MYO3A: variants seen among roughly 807,000 people sequenced by gnomAD.
MYO3A encodes myosin IIIA, also known as myosin-IIIa.
A neutral mutation model predicts 192.7 loss-of-function variants in MYO3A; 180 were observed. The ratio of observed to expected loss-of-function variants is 0.93; its 90% confidence interval spans 0.83 to 1.06. MYO3A has a LOEUF of 1.06. Ranked by LOEUF, MYO3A falls within the 50% of genes least tolerant of loss-of-function variation. The pLI is 0.00. For missense variants in MYO3A, 1,896 were observed against 1,905.0 expected, an observed-to-expected ratio of 1.00 and a Z score of 0.09; for synonymous variants, 628 against 645.3, an observed-to-expected ratio of 0.97 and a Z score of 0.41.
At chr10:26,095,952 A>T in intron 15 of MYO3A, among the ~76,000 whole-genome samples, 1 of 152,188 alleles carries the variant, frequency 6.6e-6, no homozygotes. Context: ...TCTCCATAAA[A>T]TAGGAAACAC....
At chr10:26,152,989 A>G (rs1461570943) in intron 23 of MYO3A, among the ~76,000 whole-genome samples, 1 of 152,188 alleles carries the variant, frequency 6.6e-6, no homozygotes, top group Non-Finnish European at 1.5e-5. Flanking sequence ...TCTACTTATC[A>G]CCTAGAAGAA....
chr10:26,026,106 G>A (rs900281636), intron 9 of MYO3A, among the ~76,000 whole-genome samples: 2 of 137,734 alleles, frequency 1.5e-5, no homozygotes, highest in African/African-American at 5.0e-5. Flanking sequence ...AATCCTTACT[G>A]GGAGACGACA....
At chr10:26,116,806 G>A (rs1838532650) in intron 17 of MYO3A, among the ~76,000 whole-genome samples, 1 of 152,122 alleles carries the variant, frequency 6.6e-6, no homozygotes, top group Admixed American at 6.5e-5. Context: ...ATGTTTAGCA[G>A]CACCCTTGAT....
At chr10:26,166,783 G>A (rs116039201) in intron 27 of MYO3A, among the ~76,000 whole-genome samples, 2,650 of 152,040 alleles carry the variant, frequency 0.017, 83 homozygotes, top group African/African-American at 0.058. Flanking sequence ...TCATAAACTT[G>A]AAATTTTTCT....
At chr10:26,070,871 T>C (rs183038008) in intron 14 of MYO3A, among the ~76,000 whole-genome samples, 87 of 152,190 alleles carry the variant, frequency 5.7e-4, no homozygotes, top group Middle Eastern at 3.4e-3. Context: ...ATTTGTTTGC[T>C]GAAAACTGAA....
intron 17 of MYO3A, among the ~76,000 whole-genome samples, chr10:26,106,619 T>G (rs938580689): frequency 6.6e-6 from 1 of 152,104 alleles, no homozygotes; most frequent in Admixed American, 6.5e-5. Context: ...GCTATTTTTT[T>G]GGAAAAGAAT....
Position 26,180,607 on chromosome 10 carries a change from A to G in MYO3A, c.4438+3762A>G, listed in dbSNP as rs1316021915. On this transcript the variant is annotated intron_variant, in intron 31 of 34. Transcript: ENST00000642920. ...ATTAGCAGACAACATTAAAAATGCA[A>G]TGATTGATGCTAGGAATAGAATTCA... Among the ~76,000 whole-genome samples the G allele has an allele frequency of 3.3e-5, 5 of 152,142 alleles. No individual in the cohort carries two copies. The East Asian group carries it at 9.6e-4, about 29-fold the overall frequency.
intron 17 of MYO3A, among the ~76,000 whole-genome samples, 189 bp from the exon 18 acceptor site, chr10:26,120,487 T>C (rs1394379920): frequency 2.0e-5 from 3 of 152,234 alleles, no homozygotes; most frequent in Admixed American, 1.3e-4. Flanking sequence ...TAACAGGCAC[T>C]ATGCTAACCT....
chr10:26,124,229 T>C (rs1028264743), intron 18 of MYO3A, among the ~76,000 whole-genome samples: 2 of 151,460 alleles, frequency 1.3e-5, no homozygotes, highest in Non-Finnish European at 2.9e-5. Context: ...TATTTACGTA[T>C]TTTGAAAAAT....
At chr10:26,007,682 A>G (rs149828730) in intron 6 of MYO3A, among the ~76,000 whole-genome samples, 101,371 of 149,346 alleles carry the variant, frequency 0.68, 35,039 homozygotes, top group African/African-American at 0.8. Flanking sequence ...CAAGGGATGT[A>G]AAGGACCTCT....
chr10:25,972,364 A>C (rs1443693151), intron 4 of MYO3A, among the ~76,000 whole-genome samples: 1 of 151,940 alleles, frequency 6.6e-6, no homozygotes, highest in African/African-American at 2.4e-5. Flanking sequence ...TGTAAGGATG[A>C]TTTCCTCTAG....
intron 27 of MYO3A, among the ~76,000 whole-genome samples, chr10:26,167,405 A>T (rs1290679673): frequency 2.6e-5 from 4 of 152,056 alleles, no homozygotes; most frequent in Non-Finnish European, 4.4e-5. Flanking sequence ...TATTCACACC[A>T]TTTTCTCTTA....
intron 14 of MYO3A, among the ~76,000 whole-genome samples, chr10:26,075,522 C>G (rs1040183925): frequency 7.3e-5 from 11 of 149,942 alleles, no homozygotes; most frequent in African/African-American, 2.7e-4. Context: ...TGAGAACATA[C>G]GATGTTTGTT....
At chr10:26,183,023 T>C (rs1842683063) in intron 31 of MYO3A, among the ~76,000 whole-genome samples, 1 of 152,104 alleles carries the variant, frequency 6.6e-6, no homozygotes, top group Non-Finnish European at 1.5e-5. Context: ...AGGACTGTAA[T>C]CCATGCGAGA....
intron 10 of MYO3A, among the ~76,000 whole-genome samples, chr10:26,064,238 TG>T (rs1338809223): frequency 1.3e-5 from 2 of 152,064 alleles, no homozygotes; most frequent in Non-Finnish European, 2.9e-5. Context: ...AAGAAGCCCA[TG>T]GGAAGCAAGA....
intron 4 of MYO3A, among the ~76,000 whole-genome samples, chr10:25,956,212 A>G (rs1837526378): frequency 6.6e-6 from 1 of 152,208 alleles, no homozygotes; most frequent in Non-Finnish European, 1.5e-5. Flanking sequence ...ACCTCTTAAC[A>G]ATATCACTTT....
chr10:26,010,686 AC>A (rs1256556940), intron 6 of MYO3A, among the ~76,000 whole-genome samples: 1 of 151,528 alleles, frequency 6.6e-6, no homozygotes, highest in Admixed American at 6.6e-5. Flanking sequence ...CTGGTCTCGA[AC>A]TCCTGACCTC....
At chr10:25,960,669 G>A (rs1437320311) in intron 4 of MYO3A, among the ~76,000 whole-genome samples, 1 of 152,128 alleles carries the variant, frequency 6.6e-6, no homozygotes, top group Non-Finnish European at 1.5e-5. Flanking sequence ...CATCATAAAG[G>A]TCTTTGTCCT....
chr10:26,021,395 G>T (rs991857000), intron 7 of MYO3A, 108 bp from the exon 8 acceptor site: 2 of 1,309,122 alleles, frequency 1.5e-6, no homozygotes, highest in Admixed American at 1.7e-5. Flanking sequence ...TTTACTTATA[G>T]CTATCAAACT....
Sources: allele counts gnomAD v4.1 joint callset (sites outside exome capture counted in the v4.1 genomes callset), GRCh38; gene constraint gnomAD v4.1.1; transcripts MANE v1.5; gene names NCBI Gene and HGNC (gene_info 2026-07-23, HGNC 2026-07-21).